The following SLIT1 variants were observed in gnomAD, a reference collection of about 807,000 sequenced individuals.
SLIT1 encodes the protein slit homolog 1 protein.
Under a neutral mutation model 186.1 loss-of-function variants are expected in SLIT1, and 66 were observed. The observed-to-expected ratio is 0.35, with a 90% confidence interval of 0.29 to 0.44. The LOEUF is 0.44. SLIT1 is among the 20% of genes least tolerant of loss of function. The pLI is 1.00. For synonymous variants in SLIT1, 761 were observed against 833.8 expected (o/e 0.91, Z 1.50); for missense variants, 1,638 against 2,037.4 (o/e 0.80, Z 3.77).
intron 4 of SLIT1, among the ~76,000 whole-genome samples, chr10:97,093,279 C>A (rs1849252595): frequency 6.6e-6 from 1 of 152,202 alleles, no homozygotes; most frequent in South Asian, 2.1e-4. Flanking sequence ...CAGGTGTTCC[C>A]AACCAAAATC....
At chr10:97,141,250 G>C (rs376311260) in intron 4 of SLIT1, among the ~76,000 whole-genome samples, 2 of 152,156 alleles carry the variant, frequency 1.3e-5, no homozygotes, top group Non-Finnish European at 2.9e-5. Flanking sequence ...AGCCTGCCTC[G>C]TGCAGAACAA....
intron 4 of SLIT1, among the ~76,000 whole-genome samples, chr10:97,144,031 C>T (rs1042012296): frequency 1.3e-5 from 2 of 152,144 alleles, no homozygotes; most frequent in Non-Finnish European, 2.9e-5. Context: ...AACCCCGTCT[C>T]TACTAAAAAT....
chr10:97,028,721 G>A (rs1275893691), intron 25 of SLIT1, among the ~76,000 whole-genome samples: 1 of 152,194 alleles, frequency 6.6e-6, no homozygotes, highest in Non-Finnish European at 1.5e-5. Context: ...ACAGTGGGCA[G>A]AAACCTTGTG....
At chr10:97,139,962 A>G (rs563402395) in intron 4 of SLIT1, among the ~76,000 whole-genome samples, 9 of 152,286 alleles carry the variant, frequency 5.9e-5, no homozygotes, top group African/African-American at 2.2e-4. Flanking sequence ...CAGCAGCAAC[A>G]GAAGCCTCTG....
intron 2 of SLIT1, 70 bp from the exon 3 acceptor site, chr10:97,163,521 C>T (rs373352546): frequency 4.3e-5 from 60 of 1,400,562 alleles, no homozygotes; most frequent in Middle Eastern, 3.5e-4. Flanking sequence ...GCTGGCACAA[C>T]GGCGGGGCAG....
chr10:97,136,568 C>CA (rs1454413458), intron 4 of SLIT1, among the ~76,000 whole-genome samples: 1 of 151,678 alleles, frequency 6.6e-6, no homozygotes, highest in Non-Finnish European at 1.5e-5. Flanking sequence ...GCCCCCACAA[C>CA]AAACAAACAA....
chr10:97,016,238 G>C (rs891961006), intron 28 of SLIT1, among the ~76,000 whole-genome samples: 11 of 152,034 alleles, frequency 7.2e-5, no homozygotes, highest in African/African-American at 2.4e-4. Context: ...GAACCCAGGA[G>C]GCAGAGGTTG....
chr10:97,080,805 G>A (rs1004935938), intron 4 of SLIT1, among the ~76,000 whole-genome samples: 2 of 152,208 alleles, frequency 1.3e-5, no homozygotes, highest in African/African-American at 4.8e-5. Flanking sequence ...TGACTTTTGG[G>A]GCAAATTGGC....
At chr10:97,057,150 G>T (rs1441521555) in intron 12 of SLIT1, 60 bp downstream of exon 12, 8 of 1,374,360 alleles carry the variant, frequency 5.8e-6, no homozygotes, top group Non-Finnish European at 8.3e-6. Flanking sequence ...AGTCTAGCAG[G>T]CCAGAGGAAA....
intron 30 of SLIT1, among the ~76,000 whole-genome samples, chr10:97,013,337 G>A (rs1156395623): frequency 2.0e-5 from 3 of 152,192 alleles, no homozygotes; most frequent in African/African-American, 4.8e-5. Flanking sequence ...TGTGGATTTT[G>A]TAACTGGGGA....
chr10:97,120,137 A>T (rs1309701597), intron 4 of SLIT1, among the ~76,000 whole-genome samples: 1 of 151,782 alleles, frequency 6.6e-6, no homozygotes, highest in East Asian at 1.9e-4. Flanking sequence ...GGACTCAGAG[A>T]GGTTAAACTA....
intron 21 of SLIT1, among the ~76,000 whole-genome samples, chr10:97,038,232 C>T (rs1271342090): frequency 6.6e-6 from 1 of 152,162 alleles, no homozygotes; most frequent in Admixed American, 6.5e-5. Context: ...TCCATCAGCA[C>T]CCCTCTGCCT....
In SLIT1 at chr10:97,043,505, C is replaced by T. The variant is rs756326446; in HGVS notation, c.1862G>A (p.Arg621Gln). The change falls in exon 19 of 37, where the codon CGG becomes CAG. Residue 621 changes from arginine to glutamine, a missense_variant. This residue lies in a region of SLIT1 where 1,245 missense variants were observed against 1,535.3 expected (regional missense o/e 0.81). Transcript: ENST00000266058. This position sits in a 1 kb window ranked among gnomAD's most constrained non-coding sequence, Gnocchi z 7.0. ...GLDGLRTLML[R>Q]NNRISCIHND... ...GTGGATGCAGCTGATGCGGTTGTTCCGCAGCATTCTGGGGAGGAACGGGGG... is the reference window on the plus strand; with the variant it reads ...GTGGATGCAGCTGATGCGGTTGTTCTGCAGCATTCTGGGGAGGAACGGGGG... The T allele has an allele frequency of 3.1e-6, 5 of 1,613,298 alleles. No homozygotes were observed. The highest frequency in any genetic ancestry group is 1.3e-5 in the African/African-American group (1 of 74,886).
chr10:97,052,104 G>GTTTTT (rs372886018), intron 13 of SLIT1, among the ~76,000 whole-genome samples: 1 of 137,092 alleles, frequency 7.3e-6, no homozygotes. Context: ...TTTTTTGTTT[G>GTTTTT]TTTTTTTTTT....
At chr10:97,057,324 C>T in intron 11 of SLIT1, 43 bp from the exon 12 acceptor site, 1 of 1,553,674 alleles carries the variant, frequency 6.4e-7, no homozygotes, top group Non-Finnish European at 8.9e-7. Flanking sequence ...GGACAGCCCA[C>T]CAGGGCAATA....
intron 3 of SLIT1, among the ~76,000 whole-genome samples, chr10:97,158,200 G>A (rs1435643937): frequency 6.6e-6 from 1 of 152,168 alleles, no homozygotes. Context: ...GCCCTGTGTG[G>A]TTTCTAAGGC....
At chr10:97,040,727 G>A (rs531547761) in intron 20 of SLIT1, among the ~76,000 whole-genome samples, 11 of 152,290 alleles carry the variant, frequency 7.2e-5, no homozygotes, top group African/African-American at 2.6e-4. Context: ...CCCAGGTCTG[G>A]CTGCCGCAAA....
chr10:97,134,059 G>GC (rs1382303071), intron 4 of SLIT1, among the ~76,000 whole-genome samples: 3 of 152,166 alleles, frequency 2.0e-5, no homozygotes, highest in African/African-American at 7.2e-5. Context: ...GGGCTGGTGA[G>GC]CCCCCACCTC....
intron 28 of SLIT1, among the ~76,000 whole-genome samples, chr10:97,016,905 G>A (rs1289855662): frequency 6.6e-6 from 1 of 152,212 alleles, no homozygotes; most frequent in African/African-American, 2.4e-5. Flanking sequence ...GGGACCAGCA[G>A]CAGGGTTTTA....
Sources: gnomAD v4.1 joint callset for allele counts (sites outside exome capture counted in the v4.1 genomes callset) on GRCh38, gnomAD v4.1.1 for gene constraint, gnomAD v4.1.1 regional missense constraint, Gnocchi (gnomAD v3.1) non-coding constraint, MANE v1.5 for transcripts, NCBI Gene and HGNC (gene_info 2026-07-23, HGNC 2026-07-21) for gene names.